Variants in LYN observed in about 807,000 individuals in gnomAD.
LYN encodes tyrosine-protein kinase Lyn.
LYN carries 12 observed loss-of-function variants against 65.0 expected under a neutral mutation model. The ratio of observed to expected loss-of-function variants is 0.18; its 90% CI spans 0.12 to 0.30. The LOEUF (loss-of-function observed/expected upper bound fraction) is 0.30, where lower values mean the gene tolerates loss of function less well. Among genes scored for constraint, LYN ranks in the 10% least tolerant of loss-of-function variants. The pLI is 1.00. For missense variants in LYN, 380 were observed against 623.2 expected (o/e 0.61, Z 4.16); for synonymous variants, 222 against 221.2 (o/e 1.00, Z -0.03).
At chr8:55,919,691 C>G (rs566599657) in intron 1 of LYN, among the ~76,000 whole-genome samples, 5 of 152,302 alleles carry the variant, frequency 3.3e-5, no homozygotes, top group African/African-American at 1.2e-4. Flanking sequence ...CCTAATCTTC[C>G]TCTCACCAGG....
intron 8 of LYN, 150 bp downstream of exon 8, chr8:55,954,134 GAACTGGCCTGCA>G: frequency 2.6e-6 from 2 of 775,086 alleles, no homozygotes; most frequent in Admixed American, 5.6e-5. Context: ...TTGGGGCTGA[GAACTGGCCTGCA>G]AAATCTATTT....
At chr8:55,909,843 A>AT (rs1287111946) in intron 1 of LYN, among the ~76,000 whole-genome samples, 3 of 151,522 alleles carry the variant, frequency 2.0e-5, no homozygotes, top group African/African-American at 7.3e-5. Flanking sequence ...TTTAATTTGC[A>AT]TTTTTCTGAT....
At chr8:55,890,574 C>T (rs900344716) in intron 1 of LYN, among the ~76,000 whole-genome samples, 4 of 152,192 alleles carry the variant, frequency 2.6e-5, no homozygotes, top group Non-Finnish European at 5.9e-5. Flanking sequence ...AGCAATGCTG[C>T]TTCTGGGTAT....
chr8:55,896,770 G>A (rs1161196181), intron 1 of LYN, among the ~76,000 whole-genome samples: 2 of 152,228 alleles, frequency 1.3e-5, no homozygotes, highest in East Asian at 1.9e-4. Context: ...ACAGAGCCTC[G>A]CTCTGTTAAC....
chr8:56,003,107 TG>T (rs1808570773), intron 12 of LYN, among the ~76,000 whole-genome samples: 1 of 151,432 alleles, frequency 6.6e-6, no homozygotes, highest in Non-Finnish European at 1.5e-5. Flanking sequence ...TTGCCCAGGC[TG>T]GAGTGCAGTG....
intron 10 of LYN, among the ~76,000 whole-genome samples, chr8:55,982,166 G>C (rs760637025): frequency 6.6e-6 from 1 of 152,150 alleles, no homozygotes; most frequent in South Asian, 2.1e-4. Flanking sequence ...AGCGCCCCCA[G>C]TGTCTGTAAC....
chr8:55,921,421 G>C (rs1276170233), intron 1 of LYN, among the ~76,000 whole-genome samples: 2 of 152,180 alleles, frequency 1.3e-5, no homozygotes, highest in Non-Finnish European at 2.9e-5. Flanking sequence ...GACACCTCTA[G>C]AGTTACATAA....
intron 1 of LYN, among the ~76,000 whole-genome samples, chr8:55,930,766 C>G (rs780321484): frequency 1.3e-5 from 2 of 152,180 alleles, no homozygotes; most frequent in Non-Finnish European, 2.9e-5. Flanking sequence ...GCCTCTTCCT[C>G]CTCCCCCTGC....
chr8:55,903,063 G>A (rs772051218), intron 1 of LYN, among the ~76,000 whole-genome samples: 68 of 152,208 alleles, frequency 4.5e-4, no homozygotes, highest in Non-Finnish European at 8.2e-4. Flanking sequence ...CGGCCAGGCT[G>A]GTCTCGAACT....
At chr8:55,979,172 A>AG (rs1262173113) in intron 10 of LYN, among the ~76,000 whole-genome samples, 2 of 149,744 alleles carry the variant, frequency 1.3e-5, no homozygotes, top group African/African-American at 4.9e-5. Flanking sequence ...CCTCCCGAGT[A>AG]GCTGGGATTA....
intron 1 of LYN, among the ~76,000 whole-genome samples, chr8:55,905,119 A>T (rs2130390356): frequency 6.6e-6 from 1 of 152,264 alleles, no homozygotes; most frequent in Non-Finnish European, 1.5e-5. Flanking sequence ...TTTAGAAAAC[A>T]TGGTGACCTG....
intron 10 of LYN, among the ~76,000 whole-genome samples, chr8:55,977,924 AAAAC>A (rs1293878281): frequency 4.6e-5 from 7 of 152,126 alleles, no homozygotes; most frequent in Non-Finnish European, 8.8e-5. Flanking sequence ...TGCCTCTAAA[AAAAC>A]AAAACAAAAG....
intron 8 of LYN, among the ~76,000 whole-genome samples, chr8:55,961,140 T>G (rs1388591128): frequency 6.6e-6 from 1 of 152,198 alleles, no homozygotes; most frequent in Non-Finnish European, 1.5e-5. Context: ...CAAAATCAAC[T>G]GCATGCATTT....
intron 1 of LYN, among the ~76,000 whole-genome samples, chr8:55,887,360 G>T (rs1439680102): frequency 6.6e-6 from 1 of 151,752 alleles, no homozygotes; most frequent in Non-Finnish European, 1.5e-5. Context: ...ATTCATATAT[G>T]GACACATCAT....
intron 8 of LYN, among the ~76,000 whole-genome samples, chr8:55,965,141 T>C (rs1807410783): frequency 6.6e-6 from 1 of 152,156 alleles, no homozygotes; most frequent in Non-Finnish European, 1.5e-5. Context: ...GAAAAGGCTT[T>C]CCCAAGAGAA....
At chr8:55,936,976 C>T (rs1342865042) in intron 1 of LYN, among the ~76,000 whole-genome samples, 3 of 111,366 alleles carry the variant, frequency 2.7e-5, no homozygotes, top group African/African-American at 6.9e-5. Context: ...CCCTTTTCTA[C>T]CCCCCACGTC....
intron 12 of LYN, among the ~76,000 whole-genome samples, chr8:56,007,943 AC>A (rs1808713975): frequency 6.6e-6 from 1 of 151,784 alleles, no homozygotes; most frequent in Non-Finnish European, 1.5e-5. Flanking sequence ...ACATGGTGAA[AC>A]CCCGTCTCTA....
chr8:55,964,154 T>TG (rs1173528660), intron 8 of LYN, among the ~76,000 whole-genome samples: 1 of 152,174 alleles, frequency 6.6e-6, no homozygotes, highest in African/African-American at 2.4e-5. Context: ...ATGGTTTTTT[T>TG]TTGTCAGCTT....
Position 55,916,994 on chromosome 8 carries a change from C to G in LYN, c.-5-24861C>G, listed in dbSNP as rs561601032. On this transcript the variant is annotated intron_variant, in intron 1 of 12. Coordinates refer to ENST00000519728, the MANE Select transcript of LYN (RefSeq NM_002350.4). ...GAGTTCAAGACCACCCTGGCCAACACGGTGAAACCCCGTCTCTACTAAAAA... is the reference window on the plus strand; with the variant it reads ...GAGTTCAAGACCACCCTGGCCAACAGGGTGAAACCCCGTCTCTACTAAAAA... 1.4e-4 allele frequency among the ~76,000 whole-genome samples: 22 copies of G among 151,824 alleles called. No individual in the cohort carries two copies. The East Asian group carries it at 3.9e-3, about 27-fold the overall frequency.
Sources: allele counts gnomAD v4.1 joint callset (sites outside exome capture counted in the v4.1 genomes callset), GRCh38; gene constraint gnomAD v4.1.1; transcripts MANE v1.5; gene names NCBI Gene and HGNC (gene_info 2026-07-23, HGNC 2026-07-21).